Variants in KIF16B observed in about 807,000 individuals in gnomAD.
KIF16B encodes the protein kinesin-like protein KIF16B.
In KIF16B, 98 loss-of-function variants were observed where a neutral mutation model predicts 156.3. That is an observed-to-expected ratio of 0.63 (90% CI 0.53 to 0.74). The LOEUF is 0.74. Among genes scored for constraint, KIF16B ranks in the 30% least tolerant of loss-of-function variants. The probability of loss-of-function intolerance (pLI) is 0.00; values close to 1 mark genes in which losing one functional copy is unlikely to be tolerated. For missense variants in KIF16B, 1,421 were observed against 1,606.5 expected (o/e 0.88, Z 1.97); for synonymous variants, 564 against 583.7 (o/e 0.97, Z 0.49).
intron 25 of KIF16B, among the ~76,000 whole-genome samples, 155 bp downstream of exon 25, chr20:16,312,180 A>G (rs529419734): frequency 8.5e-5 from 13 of 152,358 alleles, no homozygotes; most frequent in Admixed American, 6.5e-4. Context: ...AGCTGATATC[A>G]TATCTTCATA....
Position 16,379,359 on chromosome 20 carries a change from ACT to A in KIF16B, c.2641_2642del (p.Ser881CysfsTer24). 6.2e-7 allele frequency: 1 copy of A among 1,603,926 alleles called. No homozygotes were observed. Among genetic ancestry groups the A allele is most frequent in the African/African-American group, 1.3e-5 (1 of 74,282 alleles). On this transcript the variant is annotated frameshift_variant, in exon 19 of 26. Transcript: ENST00000354981. LOFTEE classifies it high-confidence loss of function. ...ESRLLEKHDE[S>X]VTDVTEVPQD... The stretch of plus-strand genomic sequence containing the variant: ...GAGGCACTTCCGTGACATCTGTGAC[ACT>A]CTCATCATGTTTTTCCAACAATCTA...
At position 16,551,152 on chromosome 20, in the gene KIF16B, A is replaced by T. The variant is rs1378937255; in HGVS notation, c.47+22077T>A. Among the ~76,000 whole-genome samples, 4 of 106,598 alleles carry T rather than the reference A, an allele frequency of 3.8e-5. No homozygotes were observed. The East Asian group carries it at 9.2e-4, about 25-fold the overall frequency. 69.9% of individuals were successfully genotyped at this position (106,598 alleles called of 152,430 possible). ...CTCTTCTTTTTTTTTTTTTTTTGAGATGCAGTTTTGCTCTTGTTGCCTAGG... is the reference window on the plus strand; with the variant it reads ...CTCTTCTTTTTTTTTTTTTTTTGAGTTGCAGTTTTGCTCTTGTTGCCTAGG... On this transcript the variant is annotated intron_variant, in intron 1 of 25. Coordinates refer to ENST00000354981, the MANE Select transcript of KIF16B (RefSeq NM_024704.5).
intron 24 of KIF16B, among the ~76,000 whole-genome samples, chr20:16,328,447 T>A (rs1011539471): frequency 6.6e-6 from 1 of 152,174 alleles, no homozygotes. Flanking sequence ...CTAGCACTTG[T>A]TTTGATTGTA....
intron 1 of KIF16B, among the ~76,000 whole-genome samples, chr20:16,541,405 G>C (rs992914919): frequency 4.6e-5 from 7 of 152,204 alleles, no homozygotes; most frequent in Non-Finnish European, 1.0e-4. Flanking sequence ...CAGCTTGTGA[G>C]AAACTGGCAC....
chr20:16,556,208 T>C (rs934523155), intron 1 of KIF16B, among the ~76,000 whole-genome samples: 3 of 152,132 alleles, frequency 2.0e-5, no homozygotes, highest in African/African-American at 7.2e-5. Context: ...CTTCTTTACA[T>C]GACACTCTAG....
At chr20:16,490,104 C>T (rs6044021) in intron 12 of KIF16B, among the ~76,000 whole-genome samples, 22,960 of 152,084 alleles carry the variant, frequency 0.15, 1,821 homozygotes, top group Non-Finnish European at 0.18. Flanking sequence ...GGCTGGATTA[C>T]GACACCCTAA....
chr20:16,573,332 C>G lies in KIF16B; in HGVS notation c.-57G>C. ...CACTAGCCCAGAACTCCGCGGTCGC[C>G]GGCGACGCTGGCTACTCAGATCGCG... On this transcript the variant is annotated 5_prime_UTR_variant, in exon 1 of 26. Coordinates refer to ENST00000354981, the MANE Select transcript of KIF16B (RefSeq NM_024704.5). 6.3e-7 allele frequency: 1 copy of G among 1,584,694 alleles called. No individual in the cohort carries two copies. Among genetic ancestry groups the G allele is most frequent in the Non-Finnish European group, 8.6e-7 (1 of 1,161,194 alleles).
chr20:16,406,610 C>A (rs1037081604), intron 15 of KIF16B, among the ~76,000 whole-genome samples, 154 bp from the exon 16 acceptor site: 3 of 152,084 alleles, frequency 2.0e-5, no homozygotes, highest in African/African-American at 7.2e-5. Context: ...TTACTTAAGA[C>A]AATTTCAAAT....
intron 23 of KIF16B, among the ~76,000 whole-genome samples, chr20:16,339,019 G>A (rs1413404689): frequency 1.3e-5 from 2 of 152,090 alleles, no homozygotes; most frequent in African/African-American, 4.8e-5. Flanking sequence ...GCAGACGGAA[G>A]GGAAAGGCAA....
At chr20:16,384,499 C>A (rs2065181450) in intron 17 of KIF16B, among the ~76,000 whole-genome samples, 1 of 152,168 alleles carries the variant, frequency 6.6e-6, no homozygotes, top group Admixed American at 6.5e-5. Flanking sequence ...CTCAAGAGGA[C>A]AACAGAAGCT....
At chr20:16,406,602 A>G (rs2065793168) in intron 15 of KIF16B, 146 bp from the exon 16 acceptor site, 2 of 724,366 alleles carry the variant, frequency 2.8e-6, no homozygotes, top group African/African-American at 1.8e-5. Context: ...AAGTCTGCTT[A>G]CTTAAGACAA....
intron 23 of KIF16B, among the ~76,000 whole-genome samples, chr20:16,338,777 G>C (rs2064087551): frequency 1.3e-5 from 2 of 152,132 alleles, no homozygotes; most frequent in African/African-American, 2.4e-5. Flanking sequence ...CCATCAAGTG[G>C]CAATTGATGA....
rs533883686 is a variant in KIF16B, at chr20:16,497,677, A to T, written c.1178T>A (p.Ile393Asn). ...LKTLLAQGNQIALLDSPTALS... is the reference protein window; with the variant it reads ...LKTLLAQGNQNALLDSPTALS... ...AGCTGTGGGGGAGTCTAAGAGGGCA[A>T]TCTACAATATAAACCATAAAAGAAA... The change falls in exon 11 of 26, where the codon ATT becomes AAT. Residue 393 changes from isoleucine to asparagine, a missense_variant and splice_region_variant. Physicochemically the swap from Ile to Asn is moderately radical, Grantham distance 149. Transcript: ENST00000354981. 9 of 1,601,172 alleles carry T rather than the reference A, an allele frequency of 5.6e-6. No homozygotes were observed. In the Admixed American group the frequency reaches 6.7e-5, roughly 12 times the overall value.
At chr20:16,275,481 T>A (rs1568803276) in intron 25 of KIF16B, among the ~76,000 whole-genome samples, 1 of 152,206 alleles carries the variant, frequency 6.6e-6, no homozygotes, top group Non-Finnish European at 1.5e-5. Context: ...CTTTATGTTA[T>A]CCTTACACTT....
intron 15 of KIF16B, among the ~76,000 whole-genome samples, chr20:16,415,776 G>A (rs938030152): frequency 1.3e-5 from 2 of 152,018 alleles, no homozygotes; most frequent in African/African-American, 4.8e-5. Context: ...ATTCAACTTT[G>A]GGTACATTCC....
intron 23 of KIF16B, among the ~76,000 whole-genome samples, chr20:16,337,383 C>T (rs985682041): frequency 9.9e-5 from 15 of 152,142 alleles, no homozygotes; most frequent in African/African-American, 3.1e-4. Flanking sequence ...CTTTCATTCG[C>T]TCACTTCCCA....
intron 22 of KIF16B, among the ~76,000 whole-genome samples, chr20:16,357,056 G>T (rs2064457523): frequency 6.6e-6 from 1 of 152,172 alleles, no homozygotes; most frequent in Admixed American, 6.5e-5. Context: ...GGGGACTAGT[G>T]GGGTCTGAGG....
At chr20:16,362,012 A>G (rs2123203908) in intron 22 of KIF16B, among the ~76,000 whole-genome samples, 1 of 152,344 alleles carries the variant, frequency 6.6e-6, no homozygotes, top group South Asian at 2.1e-4. Context: ...AAAAAGATTA[A>G]ATATGGGGTC....
chr20:16,471,229 CACTACTAATAATTGACATGAA>C (rs1266190185), intron 12 of KIF16B, among the ~76,000 whole-genome samples: 2 of 152,038 alleles, frequency 1.3e-5, no homozygotes, highest in East Asian at 3.9e-4. Flanking sequence ...CATTGAAAAG[CACTACTAATAATTGACATGAA>C]AGGGCAACAC....
Sources: allele counts gnomAD v4.1 joint callset (sites outside exome capture counted in the v4.1 genomes callset), GRCh38; gene constraint gnomAD v4.1.1; transcripts MANE v1.5; gene names NCBI Gene and HGNC (gene_info 2026-07-23, HGNC 2026-07-21).